The following ASIC2 variants were observed in gnomAD, a reference collection of about 807,000 sequenced individuals.
ASIC2 encodes acid sensing ion channel subunit 2, also known as acid-sensing ion channel 2.
A neutral mutation model predicts 57.3 loss-of-function variants in ASIC2; 25 were observed. That is an observed-to-expected ratio of 0.44 (90% CI 0.32 to 0.61). The LOEUF is 0.61. ASIC2 is among the 20% of genes least tolerant of loss of function. ASIC2 has a pLI of 0.06. For synonymous variants in ASIC2, 319 were observed against 307.5 expected, an observed-to-expected ratio of 1.04 and a Z score of -0.39; for missense variants, 641 against 738.1, an observed-to-expected ratio of 0.87 and a Z score of 1.52.
At chr17:33,508,979 TTAC>T (rs1304857699) in intron 1 of ASIC2, among the ~76,000 whole-genome samples, 1 of 152,194 alleles carries the variant, frequency 6.6e-6, no homozygotes, top group Non-Finnish European at 1.5e-5. Context: ...TCTCAATCCT[TTAC>T]TCACGTTTGG....
intron 1 of ASIC2, among the ~76,000 whole-genome samples, chr17:34,056,486 T>C (rs1257037318): frequency 6.6e-6 from 1 of 152,282 alleles, no homozygotes; most frequent in Middle Eastern, 3.4e-3. Flanking sequence ...GGCTGGTAGG[T>C]AAGGAGTGCT....
intron 1 of ASIC2, among the ~76,000 whole-genome samples, chr17:34,086,520 T>C (rs1191302461): frequency 6.6e-6 from 1 of 152,008 alleles, no homozygotes; most frequent in Non-Finnish European, 1.5e-5. Flanking sequence ...ATTCTGTTGA[T>C]TTGGGGTGGA....
At chr17:33,909,676 G>T (rs1365498228) in intron 1 of ASIC2, among the ~76,000 whole-genome samples, 1 of 152,200 alleles carries the variant, frequency 6.6e-6, no homozygotes, top group Non-Finnish European at 1.5e-5. Context: ...CAGAGGTGAA[G>T]AATTTAATTC....
intron 1 of ASIC2, among the ~76,000 whole-genome samples, chr17:34,131,620 A>G (rs1911965448): frequency 6.6e-6 from 1 of 152,238 alleles, no homozygotes; most frequent in African/African-American, 2.4e-5. Context: ...GTCTGCTGAC[A>G]GCAGGGACAT....
intron 1 of ASIC2, among the ~76,000 whole-genome samples, chr17:33,442,921 T>A (rs1037598627): frequency 2.0e-5 from 3 of 152,246 alleles, no homozygotes; most frequent in Admixed American, 6.5e-5. Context: ...TTTTCATAGA[T>A]GTCTTTATTC....
intron 1 of ASIC2, among the ~76,000 whole-genome samples, chr17:33,460,208 C>T (rs1461821022): frequency 6.6e-6 from 1 of 152,134 alleles, no homozygotes; most frequent in East Asian, 1.9e-4. Flanking sequence ...ACTCTTAATT[C>T]TAGGGATGGG....
intron 1 of ASIC2, among the ~76,000 whole-genome samples, chr17:33,314,767 G>A (rs911234563): frequency 6.6e-6 from 1 of 152,176 alleles, no homozygotes; most frequent in Non-Finnish European, 1.5e-5. Flanking sequence ...GGAAAAGAAC[G>A]ATTCTATTTT....
Position 33,227,326 on chromosome 17 carries a change from C to T in ASIC2, c.708+64082G>A, listed in dbSNP as rs148719435. Among the ~76,000 whole-genome samples the T allele has an allele frequency of 2.6e-3, 394 of 152,286 alleles. 1 individual carries two copies. The highest frequency in any genetic ancestry group is 9.1e-3 in the African/African-American group (377 of 41,564). ...CCATGTGGCCACCCTGGTATGCCAC[C>T]TCTTCTTGTCCCTGGCATATGGAGA... On this transcript the variant is annotated intron_variant, in intron 1 of 9. Transcript: ENST00000225823.
At chr17:34,124,498 C>G (rs552102110) in intron 1 of ASIC2, among the ~76,000 whole-genome samples, 1 of 152,296 alleles carries the variant, frequency 6.6e-6, no homozygotes, top group East Asian at 1.9e-4. Flanking sequence ...AAAAGAGCCC[C>G]CTTAATCTGA....
intron 1 of ASIC2, among the ~76,000 whole-genome samples, chr17:33,741,197 C>A (rs1418566338): frequency 6.6e-6 from 1 of 152,144 alleles, no homozygotes; most frequent in Non-Finnish European, 1.5e-5. Flanking sequence ...ACTATGTTTT[C>A]TGGTACCCCT....
chr17:34,116,425 AGAAAACCCT>A (rs1379719336), intron 1 of ASIC2, among the ~76,000 whole-genome samples: 10 of 152,198 alleles, frequency 6.6e-5, no homozygotes, highest in African/African-American at 2.4e-4. Context: ...CATCCTCATT[AGAAAACCCT>A]GCTCTGAGTA....
intron 1 of ASIC2, among the ~76,000 whole-genome samples, chr17:33,975,060 C>T (rs1188959506): frequency 6.6e-6 from 1 of 152,186 alleles, no homozygotes; most frequent in African/African-American, 2.4e-5. Context: ...TGGTATATTG[C>T]CAGTGCTCAG....
intron 1 of ASIC2, among the ~76,000 whole-genome samples, chr17:33,877,154 G>A (rs961591427): frequency 2.0e-5 from 3 of 152,186 alleles, no homozygotes; most frequent in Non-Finnish European, 4.4e-5. Context: ...AGCCAAGATG[G>A]CCGAATAGGA....
intron 3 of ASIC2, among the ~76,000 whole-genome samples, chr17:33,038,724 C>A (rs1178669772): frequency 1.3e-5 from 2 of 152,232 alleles, no homozygotes; most frequent in African/African-American, 4.8e-5. Flanking sequence ...GAGCTTCTCT[C>A]AACAGTCGCC....
chr17:33,632,603 A>G (rs1744139595), intron 1 of ASIC2, among the ~76,000 whole-genome samples: 2 of 151,762 alleles, frequency 1.3e-5, no homozygotes, highest in African/African-American at 2.4e-5. Context: ...TTATTTATTT[A>G]TTTACTTATT....
chr17:33,529,621 T>TC (rs1394011358), intron 1 of ASIC2, among the ~76,000 whole-genome samples: 1 of 152,210 alleles, frequency 6.6e-6, no homozygotes, highest in African/African-American at 2.4e-5. Flanking sequence ...TCCCTGAAAC[T>TC]CAGTTTCACT....
chr17:33,928,682 C>T (rs987342292), intron 1 of ASIC2, among the ~76,000 whole-genome samples: 6 of 152,038 alleles, frequency 3.9e-5, no homozygotes, highest in African/African-American at 1.2e-4. Flanking sequence ...GTGAGCTGGG[C>T]AATGGCCACA....
chr17:34,099,649 G>GAGGA (rs759857731), intron 1 of ASIC2, among the ~76,000 whole-genome samples: 2,906 of 129,670 alleles, frequency 0.022, 242 homozygotes, highest in African/African-American at 0.083. Flanking sequence ...AAAGAAAAGA[G>GAGGA]AGGAAGGAAG....
intron 1 of ASIC2, among the ~76,000 whole-genome samples, chr17:33,637,590 G>C (rs900799755): frequency 6.6e-5 from 10 of 152,138 alleles, no homozygotes; most frequent in African/African-American, 2.4e-4. Context: ...GCTATAAACA[G>C]CCACACATAT....
Sources: allele counts gnomAD v4.1 joint callset (sites outside exome capture counted in the v4.1 genomes callset), GRCh38; gene constraint gnomAD v4.1.1; transcripts MANE v1.5; gene names NCBI Gene and HGNC (gene_info 2026-07-23, HGNC 2026-07-21).